Variants in ZMYM2 observed in about 807,000 individuals in gnomAD.
The protein encoded by ZMYM2 is zinc finger MYM-type containing 2, also known as zinc finger MYM-type protein 2.
ZMYM2 carries 56 observed loss-of-function variants against 162.8 expected under a neutral mutation model. The observed-to-expected ratio is 0.34, with a 90% confidence interval of 0.28 to 0.43. The LOEUF (loss-of-function observed/expected upper bound fraction) is 0.43, where lower values mean the gene tolerates loss of function less well. Ranked by LOEUF, ZMYM2 falls within the 20% of genes least tolerant of loss-of-function variation. The pLI, the probability that ZMYM2 is intolerant of heterozygous loss-of-function variation, is 1.00. For missense variants in ZMYM2, 1,275 were observed against 1,621.8 expected (o/e 0.79, Z 3.67); for synonymous variants, 510 against 541.6 (o/e 0.94, Z 0.81).
chr13:19,964,327 G>C (rs1955543510), intron 2 of ZMYM2, among the ~76,000 whole-genome samples: 1 of 151,972 alleles, frequency 6.6e-6, no homozygotes, highest in African/African-American at 2.4e-5. Flanking sequence ...AGTTAGCCAA[G>C]ATTGCACCAC....
At chr13:19,875,777 C>T in the ZMYM2 span, among the ~76,000 whole-genome samples, 1 of 151,468 alleles carries the variant, frequency 6.6e-6, no homozygotes, top group Non-Finnish European at 1.5e-5. Context: ...ACATTGAGTA[C>T]ACATGGATAT....
chr13:20,086,657 T>A lies in ZMYM2; in HGVS notation c.*643T>A, dbSNP rs1958284528. The A allele has an allele frequency of 5.4e-6, 1 of 186,252 alleles. No individual in the cohort carries two copies. The allele number at this position is 186,252 out of a possible 1,614,324, so 11.5% of individuals were successfully genotyped here. The stretch of plus-strand genomic sequence containing the variant: ...GTGAATCTATGCTGGTGAAAACAAT[T>A]TTTTGTTCCCCTTATTAAAACCTTA... On this transcript the variant is annotated 3_prime_UTR_variant, in exon 25 of 25. Transcript: ENST00000610343.
intron 2 of ZMYM2, among the ~76,000 whole-genome samples, chr13:19,974,475 C>T (rs1342456891): frequency 6.7e-6 from 1 of 149,704 alleles, no homozygotes; most frequent in East Asian, 1.9e-4. Context: ...GAATATCCTT[C>T]TACTTTTTTT....
chr13:19,921,665 T>G, the ZMYM2 span, among the ~76,000 whole-genome samples: 3 of 152,214 alleles, frequency 2.0e-5, no homozygotes, highest in African/African-American at 7.2e-5. Flanking sequence ...AAACATATTC[T>G]TCAATATCTC....
At chr13:20,041,780 C>G (rs1489999704) in intron 12 of ZMYM2, among the ~76,000 whole-genome samples, 1 of 151,836 alleles carries the variant, frequency 6.6e-6, no homozygotes, top group East Asian at 1.9e-4. Flanking sequence ...TGAAAAGGAT[C>G]TTATTTCTGC....
At chr13:19,885,970 C>T in the ZMYM2 span, among the ~76,000 whole-genome samples, 5,387 of 94,320 alleles carry the variant, frequency 0.057, 2,234 homozygotes, top group African/African-American at 0.079. Context: ...TATGTGTATA[C>T]ACATATATAT....
chr13:19,976,449 C>T lies in ZMYM2; in HGVS notation c.-11+16423C>T, dbSNP rs896435151. 5.9e-5 allele frequency among the ~76,000 whole-genome samples: 9 copies of T among 151,272 alleles called. No individual in the cohort carries two copies. In the East Asian group the frequency reaches 7.7e-4, roughly 13 times the overall value. On this transcript the variant is annotated intron_variant, in intron 2 of 24. Coordinates refer to ENST00000610343, the MANE Select transcript of ZMYM2 (RefSeq NM_197968.4). Reference sequence around the variant, plus strand: ...AACAACATAAAATTTACTATTTTTACGACTTTTAAGTGTTCAGCTCAATAT... The same window carrying T: ...AACAACATAAAATTTACTATTTTTATGACTTTTAAGTGTTCAGCTCAATAT...
chr13:19,884,573 C>G, the ZMYM2 span, among the ~76,000 whole-genome samples: 5 of 151,124 alleles, frequency 3.3e-5, no homozygotes, highest in South Asian at 2.1e-4. Context: ...AAACCTGTAT[C>G]AAAAAGAAAA....
the ZMYM2 span, among the ~76,000 whole-genome samples, chr13:19,904,366 G>A: frequency 6.6e-6 from 1 of 152,066 alleles, no homozygotes; most frequent in Non-Finnish European, 1.5e-5. Context: ...CGACCAGCCT[G>A]GCTAACATGG....
chr13:19,888,422 C>G, the ZMYM2 span, among the ~76,000 whole-genome samples: 2 of 151,532 alleles, frequency 1.3e-5, no homozygotes, highest in Admixed American at 1.3e-4. Context: ...CTCCTAGGCT[C>G]AAATGATCCT....
chr13:20,075,524 T>C (rs1221555563), intron 21 of ZMYM2, among the ~76,000 whole-genome samples: 1 of 152,188 alleles, frequency 6.6e-6, no homozygotes, highest in Non-Finnish European at 1.5e-5. Context: ...TCACATAATA[T>C]GAAAATGTTT....
At chr13:19,899,836 A>AAAAAAAAAAAAAAAAAAAAAAG in the ZMYM2 span, among the ~76,000 whole-genome samples, 1 of 120,838 alleles carries the variant, frequency 8.3e-6, no homozygotes, top group Non-Finnish European at 1.8e-5. Flanking sequence ...AAAAAAAAAA[A>AAAAAAAAAAAAAAAAAAAAAAG]AAGGAAAACA....
chr13:19,956,219 C>T (rs905359928), upstream of ZMYM2, among the ~76,000 whole-genome samples: 7 of 152,254 alleles, frequency 4.6e-5, no homozygotes, highest in East Asian at 1.4e-3. Context: ...ATAGACATTT[C>T]TCGTAAATGG....
At chr13:20,023,796 G>T (rs530210355) in intron 7 of ZMYM2, among the ~76,000 whole-genome samples, 2 of 152,138 alleles carry the variant, frequency 1.3e-5, no homozygotes, top group Non-Finnish European at 2.9e-5. Flanking sequence ...AGTAAACATG[G>T]CATAAAATTA....
rs1953485287 is a variant in ZMYM2, at chr13:20,034,359, G to C, written c.2074G>C (p.Glu692Gln). 1 of 1,607,870 alleles carries C rather than the reference G, an allele frequency of 6.2e-7. No homozygotes were observed. Among genetic ancestry groups the C allele is most frequent in the African/African-American group, 1.3e-5 (1 of 74,528 alleles). Residue 692 changes from glutamate (E) to glutamine (Q), a missense_variant, in exon 11 of 25, where the codon GAA becomes CAA. By Grantham distance (29) the Glu-to-Gln change is conservative. This residue lies in a region of ZMYM2 where 177 missense variants were observed against 228.0 expected (regional missense o/e 0.78). Coordinates refer to ENST00000610343, the MANE Select transcript of ZMYM2 (RefSeq NM_197968.4). Reference protein sequence around the residue: ...EYCQEEKTLHETVNFSGVKRP... With the variant: ...EYCQEEKTLHQTVNFSGVKRP... ...CTGTCAAGAGGAGAAGACTCTTCAT[G>C]AAACAGTAAATTTCTCTGGCGTTAA...
intron 6 of ZMYM2, among the ~76,000 whole-genome samples, chr13:20,012,912 T>C (rs928793443): frequency 3.3e-5 from 5 of 152,250 alleles, no homozygotes; most frequent in African/African-American, 1.2e-4. Context: ...AACTTTGTTT[T>C]TTGTCAAGAT....
chr13:19,945,785 A>C, the ZMYM2 span, among the ~76,000 whole-genome samples: 1 of 151,992 alleles, frequency 6.6e-6, no homozygotes, highest in South Asian at 2.1e-4. Context: ...TCTACTAAAA[A>C]AAAATACAAA....
intron 2 of ZMYM2, among the ~76,000 whole-genome samples, chr13:19,963,273 C>A (rs188909875): frequency 1.3e-5 from 2 of 152,160 alleles, no homozygotes; most frequent in Non-Finnish European, 2.9e-5. Flanking sequence ...CTGCGTTTTG[C>A]TCCTTTAAAA....
chr13:19,971,256 A>ATATATATATATATATATATATG (rs1956297813), intron 2 of ZMYM2, among the ~76,000 whole-genome samples: 1 of 99,502 alleles, frequency 1.0e-5, no homozygotes, highest in Non-Finnish European at 2.1e-5. Context: ...ATATATATAT[A>ATATATATATATATATATATATG]TATATATTTT....
Sources: allele counts gnomAD v4.1 joint callset (sites outside exome capture counted in the v4.1 genomes callset), GRCh38; gene constraint gnomAD v4.1.1; regional missense constraint gnomAD v4.1.1; transcripts MANE v1.5; gene names NCBI Gene and HGNC (gene_info 2026-07-23, HGNC 2026-07-21).